The following WDR89 variants were observed in gnomAD, a reference collection of about 807,000 sequenced individuals.
WDR89 encodes WD repeat-containing protein 89.
A neutral mutation model predicts 29.1 loss-of-function variants in WDR89; 17 were observed. That is an observed-to-expected ratio of 0.58 (90% CI 0.40 to 0.88). The LOEUF is 0.88. WDR89 is among the 40% of genes least tolerant of loss of function. The pLI is 0.00. For synonymous variants in WDR89, 138 were observed against 157.8 expected, an observed-to-expected ratio of 0.87 and a Z score of 0.94; for missense variants, 396 against 456.3, an observed-to-expected ratio of 0.87 and a Z score of 1.20.
At chr14:63,628,701 C>T (rs1022658484) in intron 1 of WDR89, among the ~76,000 whole-genome samples, 22 of 152,164 alleles carry the variant, frequency 1.4e-4, no homozygotes, top group African/African-American at 4.8e-4. Flanking sequence ...CGGTGGCTCA[C>T]GCCTGTGATC....
At chr14:63,634,231 A>C (rs574494837) in intron 1 of WDR89, among the ~76,000 whole-genome samples, 6 of 152,304 alleles carry the variant, frequency 3.9e-5, no homozygotes, top group Admixed American at 2.6e-4. Flanking sequence ...TACTAAAAAC[A>C]CAAAAACTGG....
At chr14:63,624,368 G>A (rs1407945196) in intron 2 of WDR89, among the ~76,000 whole-genome samples, 1 of 151,194 alleles carries the variant, frequency 6.6e-6, no homozygotes, top group African/African-American at 2.4e-5. Flanking sequence ...TCAGGAGGCT[G>A]AGATGAAGAG....
intron 1 of WDR89, among the ~76,000 whole-genome samples, chr14:63,625,998 C>A (rs558093182): frequency 6.6e-6 from 1 of 151,886 alleles, no homozygotes; most frequent in East Asian, 1.9e-4. Context: ...GGATTACAGG[C>A]ATGCACTGCC....
In WDR89 at chr14:63,599,587, A is replaced by C; in HGVS notation, c.356T>G (p.Ile119Ser). Residue 119 changes from isoleucine to serine, a missense_variant, in exon 3 of 3, where the codon ATC (isoleucine) becomes AGC (serine). By Grantham distance (142) the Ile-to-Ser change is moderately radical. Transcript: ENST00000620954. ...ATCATTACAATTAATATCAAAACTG[A>C]TAAAAATATTGGAAGGGTAACCCTT... ...LFKGYPSNIF[I>S]SFDINCNDHI... is the part of the protein sequence containing the mutation. The C allele has an allele frequency of 6.2e-7, 1 of 1,614,126 alleles. No homozygotes were observed. The highest frequency in any genetic ancestry group is 8.5e-7 in the Non-Finnish European group (1 of 1,179,994).
At chr14:63,641,571 C>T (rs2139593004) in intron 1 of WDR89, among the ~76,000 whole-genome samples, 1 of 152,392 alleles carries the variant, frequency 6.6e-6, no homozygotes, top group Middle Eastern at 3.4e-3. Flanking sequence ...CAACAGCAGC[C>T]TGACCCGCAG....
In WDR89 at chr14:63,598,908, C is replaced by A; in HGVS notation, c.1035G>T (p.Leu345Phe). 2 of 1,614,194 alleles carry A rather than the reference C, an allele frequency of 1.2e-6. No homozygotes were observed. The highest frequency in any genetic ancestry group is 1.7e-6 in the Non-Finnish European group (2 of 1,180,024). The change falls in exon 3 of 3, where the codon TTG (leucine) becomes TTT (phenylalanine). Residue 345 changes from leucine to phenylalanine, a missense_variant. Physicochemically the swap from Leu to Phe is conservative, Grantham distance 22 (BLOSUM62 0). Coordinates refer to ENST00000620954, the MANE Select transcript of WDR89 (RefSeq NM_080666.4). Reference protein sequence around the residue: ...SLLTGGEDAQLLLWKPGAIEK... With the variant: ...SLLTGGEDAQFLLWKPGAIEK... ...CTATAGCTCCAGGTTTCCAAAGTAA[C>A]AACTGTGCATCTTCTCCTCCAGTCA...
chr14:63,599,801 A>T lies in WDR89; in HGVS notation c.142T>A (p.Ser48Thr). Reference protein sequence around the residue: ...GKENLVAVLCSNGSIRIYDKE... With the variant: ...GKENLVAVLCTNGSIRIYDKE... ...TCATATATTCTGATTGATCCATTAG[A>T]ACATAAAACAGCAACCAAGTTTTCC... Residue 48 changes from serine (S) to threonine (T), a missense_variant, in exon 3 of 3, where the codon TCT (serine) becomes ACT (threonine). Transcript: ENST00000620954. The T allele has an allele frequency of 6.2e-7, 1 of 1,614,116 alleles. No homozygotes were observed. The highest frequency in any genetic ancestry group is 8.5e-7 in the Non-Finnish European group (1 of 1,180,028).
At chr14:63,620,002 C>T (rs1311753352) in intron 2 of WDR89, among the ~76,000 whole-genome samples, 1 of 93,506 alleles carries the variant, frequency 1.1e-5, no homozygotes, top group Non-Finnish European at 1.9e-5. Flanking sequence ...GAGACTCCAT[C>T]TCAAAAAAAA....
intron 2 of WDR89, among the ~76,000 whole-genome samples, chr14:63,618,938 C>A (rs560414297): frequency 4.6e-5 from 7 of 152,168 alleles, no homozygotes; most frequent in Non-Finnish European, 4.4e-5. Context: ...TATCCCTAAC[C>A]TGGAGTCTTT....
At chr14:63,622,116 A>G (rs1882731956) in intron 2 of WDR89, among the ~76,000 whole-genome samples, 1 of 152,202 alleles carries the variant, frequency 6.6e-6, no homozygotes, top group Admixed American at 6.5e-5. Flanking sequence ...GTAATAACAA[A>G]CCAAGGGATT....
intron 2 of WDR89, chr14:63,601,747 T>C (rs1895075300): frequency 5.8e-6 from 8 of 1,383,530 alleles, no homozygotes; most frequent in Non-Finnish European, 8.2e-6. Context: ...GGCACCAAAG[T>C]AGTTCTAGAT....
intron 2 of WDR89, chr14:63,617,899 A>G (rs1314045004): frequency 6.6e-6 from 1 of 152,224 alleles, no homozygotes; most frequent in African/African-American, 2.4e-5. Context: ...TCATTTATAC[A>G]AAGTTTTAAA....
At chr14:63,607,764 C>A (rs1455399782) in intron 2 of WDR89, among the ~76,000 whole-genome samples, 1 of 151,484 alleles carries the variant, frequency 6.6e-6, no homozygotes, top group Non-Finnish European at 1.5e-5. Flanking sequence ...GCCAGTAATC[C>A]CAGCTACTTG....
intron 1 of WDR89, among the ~76,000 whole-genome samples, chr14:63,637,315 G>A (rs529283822): frequency 6.6e-6 from 1 of 152,322 alleles, no homozygotes; most frequent in South Asian, 2.1e-4. Flanking sequence ...CTGCTGGTGG[G>A]AATGTAAACT....
At chr14:63,634,838 G>A (rs2139575877) in intron 1 of WDR89, among the ~76,000 whole-genome samples, 1 of 147,782 alleles carries the variant, frequency 6.8e-6, no homozygotes, top group Middle Eastern at 3.6e-3. Flanking sequence ...CCATTGCACT[G>A]CAGTCTGGGC....
chr14:63,633,951 A>G (rs1247614095), intron 1 of WDR89, among the ~76,000 whole-genome samples: 1 of 152,266 alleles, frequency 6.6e-6, no homozygotes, highest in Non-Finnish European at 1.5e-5. Flanking sequence ...AACCGTTTTA[A>G]AAGTTTCCTT....
chr14:63,627,507 T>C (rs768063046), intron 1 of WDR89, among the ~76,000 whole-genome samples: 1 of 152,230 alleles, frequency 6.6e-6, no homozygotes, highest in Non-Finnish European at 1.5e-5. Context: ...CAAATACATG[T>C]AATGAATCCA....
chr14:63,614,650 T>C (rs1446103080), intron 2 of WDR89, among the ~76,000 whole-genome samples: 1 of 152,212 alleles, frequency 6.6e-6, no homozygotes, highest in Non-Finnish European at 1.5e-5. Context: ...AAGCATACAC[T>C]GGTTTAATTT....
chr14:63,634,300 T>C (rs2139574513), intron 1 of WDR89, among the ~76,000 whole-genome samples: 1 of 152,222 alleles, frequency 6.6e-6, no homozygotes, highest in East Asian at 1.9e-4. Flanking sequence ...GGCGGGTGGA[T>C]CACCTGATGT....
Sources: gnomAD v4.1 joint callset for allele counts (sites outside exome capture counted in the v4.1 genomes callset) on GRCh38, gnomAD v4.1.1 for gene constraint, MANE v1.5 for transcripts, NCBI Gene and HGNC (gene_info 2026-07-23, HGNC 2026-07-21) for gene names.